The following ILDR1 variants were observed in gnomAD, a reference collection of about 807,000 sequenced individuals.
ILDR1 encodes the protein immunoglobulin like domain containing receptor 1, also known as immunoglobulin-like domain-containing receptor 1.
In ILDR1, 56 loss-of-function variants were observed where a neutral mutation model predicts 62.4. That is an observed-to-expected ratio of 0.90 (90% CI 0.72 to 1.12). The LOEUF (loss-of-function observed/expected upper bound fraction) is 1.12. ILDR1 is among the 50% of genes most tolerant of loss of function. ILDR1 has a pLI of 0.00. For missense variants in ILDR1, 736 were observed against 710.6 expected (o/e 1.04, Z -0.41); for synonymous variants, 284 against 277.8 (o/e 1.02, Z -0.22).
chr3:121,994,001 C>G, intron 6 of ILDR1, 31 bp from the exon 7 acceptor site: 1 of 1,591,470 alleles, frequency 6.3e-7, no homozygotes, highest in Non-Finnish European at 8.5e-7. Flanking sequence ...GACAATAGAA[C>G]AAATGGCCCA....
At chr3:122,005,918 AAAAC>A (rs1238552686) in intron 2 of ILDR1, among the ~76,000 whole-genome samples, 2 of 146,490 alleles carry the variant, frequency 1.4e-5, no homozygotes, top group African/African-American at 5.1e-5. Context: ...AACAAAAACA[AAAAC>A]AAAAACAAAC....
At chr3:122,008,588 CTTTTCTT>C (rs1224775440) in intron 1 of ILDR1, among the ~76,000 whole-genome samples, 16 of 66,476 alleles carry the variant, frequency 2.4e-4, no homozygotes, top group African/African-American at 5.7e-4. Flanking sequence ...CTTTTCTTTT[CTTTTCTT>C]TTTTTTTTTT....
At chr3:122,058,300 T>C in the ILDR1 span, among the ~76,000 whole-genome samples, 1 of 152,136 alleles carries the variant, frequency 6.6e-6, no homozygotes. Flanking sequence ...ATGGAGGAGC[T>C]GATCTAAAAC....
At position 122,001,740 on chromosome 3, in the gene ILDR1, C is replaced by G. The variant is rs2071529984; in HGVS notation, c.499+5G>C. ...GACTGAATAGAAAGCTCCAGTAGCA[C>G]TTACGTAGGACGATGAGCTTTACTT... is the stretch of plus-strand genomic sequence containing the variant. On this transcript the variant is annotated splice_donor_5th_base_variant and intron_variant, in intron 4 of 7. Transcript: ENST00000344209. 1 of 1,611,938 alleles carries G rather than the reference C, an allele frequency of 6.2e-7. No homozygotes were observed. Among genetic ancestry groups the G allele is most frequent in the Non-Finnish European group, 8.5e-7 (1 of 1,179,786 alleles).
At chr3:122,016,134 C>A (rs1030347233) in intron 1 of ILDR1, among the ~76,000 whole-genome samples, 4 of 152,218 alleles carry the variant, frequency 2.6e-5, no homozygotes, top group Admixed American at 1.3e-4. Flanking sequence ...CTTCTCATCT[C>A]TCATACACAC....
chr3:122,039,276 T>C, the ILDR1 span, among the ~76,000 whole-genome samples: 2 of 151,760 alleles, frequency 1.3e-5, no homozygotes, highest in African/African-American at 4.8e-5. Context: ...GAAGTATAAA[T>C]ACCAAAAACC....
At chr3:122,002,448 C>T (rs544280142) in intron 3 of ILDR1, among the ~76,000 whole-genome samples, 1 of 152,234 alleles carries the variant, frequency 6.6e-6, no homozygotes, top group South Asian at 2.1e-4. Context: ...GAGCAGTTAT[C>T]TCTGGATCCT....
At position 121,993,483 on chromosome 3, in the gene ILDR1, G is replaced by A. The variant is rs780256751; in HGVS notation, c.1266C>T (p.Ser422=). ...GTGCCTCACTGGATGAGGGGACATC[G>A]CTTAGGCTGTCCCTGTCTGACCAGT... ...PIHWSDRDSL[S]DVPSSSEARW... The change falls in exon 7 of 8, where the codon AGC becomes AGT. Residue 422 remains serine, a synonymous_variant. Transcript: ENST00000344209. The A allele has an allele frequency of 8.1e-6, 13 of 1,614,070 alleles. No homozygotes were observed. The highest frequency in any genetic ancestry group is 4.5e-5 in the East Asian group (2 of 44,886).
the ILDR1 span, among the ~76,000 whole-genome samples, chr3:122,050,292 A>T: frequency 6.6e-6 from 1 of 152,274 alleles, no homozygotes; most frequent in Admixed American, 6.5e-5. Context: ...GGTTACTATC[A>T]ACATTTTGAA....
chr3:121,998,800 C>T (rs1287239064), intron 5 of ILDR1, among the ~76,000 whole-genome samples: 18 of 152,172 alleles, frequency 1.2e-4, no homozygotes, highest in African/African-American at 2.4e-5. Flanking sequence ...GCATCCTCCA[C>T]GACTTTTCCC....
intron 1 of ILDR1, among the ~76,000 whole-genome samples, chr3:122,016,387 G>A (rs564823616): frequency 2.0e-5 from 3 of 152,230 alleles, no homozygotes; most frequent in Non-Finnish European, 4.4e-5. Flanking sequence ...GCTTTTGTTT[G>A]CCAGCACGAG....
At chr3:121,995,617 C>G (rs1025478732) in intron 5 of ILDR1, among the ~76,000 whole-genome samples, 2 of 152,182 alleles carry the variant, frequency 1.3e-5, no homozygotes, top group African/African-American at 4.8e-5. Flanking sequence ...GCAGCTCCCC[C>G]AGCAGCTACA....
At position 122,005,254 on chromosome 3, in the gene ILDR1, G is replaced by A; in HGVS notation, c.369C>T (p.Thr123=). The change falls in exon 3 of 8, where the codon ACC becomes ACT. Residue 123 remains threonine (T), a synonymous_variant. Coordinates refer to ENST00000344209, the MANE Select transcript of ILDR1 (RefSeq NM_001199799.2). ...CTCCCCCGCACTCACGGTTCTGGAT[G>A]GTGATCTTGCGCTGCCGGTAATCTA... ...LGVDYRQRKI[T]IQNRADLVIN... is the part of the protein sequence containing the mutation. The A allele has an allele frequency of 6.5e-7, 1 of 1,540,406 alleles. No individual in the cohort carries two copies. Among genetic ancestry groups the A allele is most frequent in the African/African-American group, 1.4e-5 (1 of 72,548 alleles).
chr3:122,005,395 T>C lies in ILDR1; in HGVS notation c.230-2A>G. On this transcript the variant is annotated splice_acceptor_variant, in intron 2 of 7. Coordinates refer to ENST00000344209, the MANE Select transcript of ILDR1 (RefSeq NM_001199799.2). LOFTEE classifies it high-confidence loss of function. ...CCAGGGATAAAGCTGCCTGGTATGCTGAGGAGAGAGGGCACACTAGAGTCA... is the reference window on the plus strand; with the variant it reads ...CCAGGGATAAAGCTGCCTGGTATGCCGAGGAGAGAGGGCACACTAGAGTCA... 1 of 1,614,136 alleles carries C rather than the reference T, an allele frequency of 6.2e-7. No individual in the cohort carries two copies. The highest frequency in any genetic ancestry group is 8.5e-7 in the Non-Finnish European group (1 of 1,180,028).
At chr3:122,021,661 C>G (rs933739134) in intron 1 of ILDR1, among the ~76,000 whole-genome samples, 12 of 152,156 alleles carry the variant, frequency 7.9e-5, no homozygotes, top group African/African-American at 2.9e-4. Context: ...ATGGTTGTCA[C>G]CATATCAGAT....
At chr3:122,042,076 C>G in the ILDR1 span, among the ~76,000 whole-genome samples, 1 of 104,182 alleles carries the variant, frequency 9.6e-6, no homozygotes, top group Non-Finnish European at 1.9e-5. Flanking sequence ...CTCCCCCCAC[C>G]CCACCACAGT....
At chr3:122,047,142 G>A in the ILDR1 span, among the ~76,000 whole-genome samples, 3 of 148,118 alleles carry the variant, frequency 2.0e-5, no homozygotes, top group African/African-American at 5.0e-5. Flanking sequence ...CTAACAGACA[G>A]GACCCTCAGC....
At chr3:122,053,446 C>A in the ILDR1 span, among the ~76,000 whole-genome samples, 2 of 151,764 alleles carry the variant, frequency 1.3e-5, no homozygotes, top group Non-Finnish European at 2.9e-5. Flanking sequence ...CTAAAAACTC[C>A]TAAATGTATA....
At chr3:122,048,207 A>T in the ILDR1 span, among the ~76,000 whole-genome samples, 25 of 152,214 alleles carry the variant, frequency 1.6e-4, no homozygotes, top group African/African-American at 5.8e-4. Flanking sequence ...GTGTCTATTG[A>T]GATGACCATA....
Sources: gnomAD v4.1 joint callset for allele counts (sites outside exome capture counted in the v4.1 genomes callset) on GRCh38, gnomAD v4.1.1 for gene constraint, MANE v1.5 for transcripts, NCBI Gene and HGNC (gene_info 2026-07-23, HGNC 2026-07-21) for gene names.